The following PLXDC1 variants were observed in gnomAD, a reference collection of about 807,000 sequenced individuals.
PLXDC1 encodes plexin domain containing 1, also known as plexin domain-containing protein 1.
PLXDC1 carries 39 observed loss-of-function variants against 61.3 expected under a neutral mutation model. The observed-to-expected ratio is 0.64, with a 90% CI of 0.49 to 0.83. The LOEUF is 0.83. Ranked by LOEUF, PLXDC1 falls within the 40% of genes least tolerant of loss-of-function variation. The pLI is 0.00. For synonymous variants in PLXDC1, 212 were observed against 254.5 expected (o/e 0.83, Z 1.59); for missense variants, 596 against 666.5 (o/e 0.89, Z 1.17).
intron 2 of PLXDC1, among the ~76,000 whole-genome samples, chr17:39,136,240 C>T (rs1945139037): frequency 6.6e-6 from 1 of 152,168 alleles, no homozygotes; most frequent in South Asian, 2.1e-4. Context: ...CCTGAAGTTC[C>T]ACCTCAAACT....
chr17:39,068,071 A>T (rs988003553), intron 13 of PLXDC1, 112 bp from the exon 14 acceptor site: 2 of 968,404 alleles, frequency 2.1e-6, no homozygotes, highest in African/African-American at 3.2e-5. Context: ...GCCCTGGGGC[A>T]CTTGGGCCTA....
At chr17:39,078,252 G>GT (rs1351489978) in intron 10 of PLXDC1, among the ~76,000 whole-genome samples, 3 of 152,156 alleles carry the variant, frequency 2.0e-5, no homozygotes, top group Non-Finnish European at 4.4e-5. Context: ...GCTGGACAGG[G>GT]TTTTTTTAAA....
At chr17:39,119,602 CA>C (rs1416886358) in intron 2 of PLXDC1, among the ~76,000 whole-genome samples, 1 of 151,928 alleles carries the variant, frequency 6.6e-6, no homozygotes, top group African/African-American at 2.4e-5. Flanking sequence ...CAAAACTGGC[CA>C]GGGGTGATGG....
At chr17:39,136,017 T>C (rs971353665) in intron 2 of PLXDC1, among the ~76,000 whole-genome samples, 1 of 152,238 alleles carries the variant, frequency 6.6e-6, no homozygotes, top group Non-Finnish European at 1.5e-5. Context: ...ATAATCCTTC[T>C]GACCTGTGTG....
At chr17:39,128,096 T>C (rs12450795) in intron 2 of PLXDC1, among the ~76,000 whole-genome samples, 9,304 of 89,784 alleles carry the variant, frequency 0.1, 1,247 homozygotes, top group Non-Finnish European at 0.14. Flanking sequence ...TCTCTCTATG[T>C]GTATATATAT....
chr17:39,147,772 TACTC>T (rs2045351649), intron 1 of PLXDC1, among the ~76,000 whole-genome samples: 1 of 152,196 alleles, frequency 6.6e-6, no homozygotes, highest in Non-Finnish European at 1.5e-5. Flanking sequence ...ACCTCTGATA[TACTC>T]ACTCAGTCAC....
intron 2 of PLXDC1, among the ~76,000 whole-genome samples, chr17:39,114,166 C>T (rs1324658332): frequency 6.6e-6 from 1 of 152,100 alleles, no homozygotes; most frequent in Admixed American, 6.6e-5. Flanking sequence ...TGATGACATG[C>T]TAGAGGGCTG....
intron 4 of PLXDC1, 139 bp from the exon 5 acceptor site, chr17:39,108,384 G>A: frequency 1.2e-6 from 1 of 866,458 alleles, no homozygotes; most frequent in Admixed American, 2.1e-5. Flanking sequence ...ATCCCCATCT[G>A]GCGGGCTCTG....
intron 2 of PLXDC1, among the ~76,000 whole-genome samples, chr17:39,129,688 A>AAAAGAAAGAAAGAAGGAAAG (rs1597656684): frequency 1.5e-5 from 1 of 65,024 alleles, no homozygotes; most frequent in African/African-American, 8.0e-5. Flanking sequence ...AGGGAGAAAG[A>AAAAGAAAGAAAGAAGGAAAG]AAAGAAAGAA....
At chr17:39,097,809 G>A (rs1400177126) in intron 7 of PLXDC1, among the ~76,000 whole-genome samples, 7 of 151,564 alleles carry the variant, frequency 4.6e-5, no homozygotes, top group Admixed American at 3.9e-4. Context: ...GGCTGAGGCA[G>A]GAGGATCGCT....
chr17:39,068,018 C>G (rs1419128964), intron 13 of PLXDC1, 59 bp from the exon 14 acceptor site: 3 of 1,571,994 alleles, frequency 1.9e-6, no homozygotes, highest in Non-Finnish European at 1.7e-6. Flanking sequence ...GGGGACCCCA[C>G]ACTCCTGAGC....
At chr17:39,094,750 C>T (rs1288433472) in intron 7 of PLXDC1, among the ~76,000 whole-genome samples, 2 of 152,138 alleles carry the variant, frequency 1.3e-5, no homozygotes, top group African/African-American at 2.4e-5. Flanking sequence ...CAACTTATAA[C>T]GTCAGCCCAC....
At position 39,151,446 on chromosome 17, in the gene PLXDC1, C is replaced by G. The variant is rs2045372154; in HGVS notation, c.-9G>C. The G allele has an allele frequency of 7.9e-7, 1 of 1,263,716 alleles. No homozygotes were observed. The highest frequency in any genetic ancestry group is 3.1e-5 in the East Asian group (1 of 31,920). 78.3% of individuals were successfully genotyped at this position (1,263,716 alleles called of 1,614,324 possible). A position where few individuals can be genotyped will look rare whatever the true frequency, so the allele number is the denominator to read the frequency against. On this transcript the variant is annotated 5_prime_UTR_variant, in exon 1 of 14. Coordinates refer to ENST00000315392, the MANE Select transcript of PLXDC1 (RefSeq NM_020405.5). This position sits in a 1 kb window ranked among gnomAD's most constrained non-coding sequence, Gnocchi z 5.2. Reference sequence around the variant, plus strand: ...CAGAGCTCGCCTCGCATGGTGGGTGCCCGGACCTGCCCCCGGCCTGCTTGC... The same window carrying G: ...CAGAGCTCGCCTCGCATGGTGGGTGGCCGGACCTGCCCCCGGCCTGCTTGC...
Position 39,067,732 on chromosome 17 carries a change from A to G in PLXDC1, c.*108T>C, listed in dbSNP as rs760690605. ...CTCTGGAGCCATAAACCACCATCTC[A>G]TCTCAGCCCAGGGCATGCTGGGAGA... On this transcript the variant is annotated 3_prime_UTR_variant, in exon 14 of 14. Transcript: ENST00000315392. 12 of 1,095,598 alleles carry G rather than the reference A, an allele frequency of 1.1e-5. No homozygotes were observed. The highest frequency in any genetic ancestry group is 1.5e-5 in the Non-Finnish European group (11 of 754,194). The allele number at this position is 1,095,598 out of a possible 1,614,324, so 67.9% of individuals were successfully genotyped here.
intron 4 of PLXDC1, 94 bp downstream of exon 4, chr17:39,108,810 A>C (rs1910688788): frequency 3.7e-6 from 3 of 800,692 alleles, no homozygotes; most frequent in Non-Finnish European, 4.3e-6. Flanking sequence ...CCCATTTCAT[A>C]TAACCCTGTC....
chr17:39,079,010 C>T lies in PLXDC1; in HGVS notation c.1050+94G>A, dbSNP rs1343430993. The stretch of plus-strand genomic sequence containing the variant: ...GGATATTGCCAAGAGCTAATGCCAC[C>T]TTGAGAAGAGTTTCCAGGGGCAGGC... On this transcript the variant is annotated intron_variant, in intron 10 of 13. Coordinates refer to ENST00000315392, the MANE Select transcript of PLXDC1 (RefSeq NM_020405.5). 14 of 1,008,986 alleles carry T rather than the reference C, an allele frequency of 1.4e-5. No individual in the cohort carries two copies. In the East Asian group the frequency reaches 3.4e-4, roughly 24 times the overall value. 62.5% of individuals were successfully genotyped at this position (1,008,986 alleles called of 1,614,324 possible). A position where few individuals can be genotyped will look rare whatever the true frequency, so the allele number is the denominator to read the frequency against.
upstream of PLXDC1, chr17:39,152,750 G>A: frequency 9.2e-7 from 1 of 1,087,588 alleles, no homozygotes; most frequent in Non-Finnish European, 1.2e-6. Flanking sequence ...TGGAAGAGAC[G>A]GATTCCGTGG....
chr17:39,146,583 A>C (rs1281207216), intron 1 of PLXDC1, among the ~76,000 whole-genome samples: 1 of 151,978 alleles, frequency 6.6e-6, no homozygotes, highest in Non-Finnish European at 1.5e-5. Context: ...AGGCCAAGAC[A>C]GGAGGATTAC....
At position 39,063,892 on chromosome 17, in the gene PLXDC1, G is replaced by A. The variant is rs1277416844; in HGVS notation, c.*3948C>T. 1.7e-5 allele frequency: 3 copies of A among 178,450 alleles called. No homozygotes were observed. Among genetic ancestry groups the A allele is most frequent in the Non-Finnish European group, 3.6e-5 (3 of 84,088 alleles). 11.1% of individuals were successfully genotyped at this position (178,450 alleles called of 1,614,324 possible). ...CTGTGAGTCTGTTCCAGGAACTAGA[G>A]GAGAGAGAGCCTTAGCCTTGCCTGC... On this transcript the variant is annotated 3_prime_UTR_variant, in exon 14 of 14. Coordinates refer to ENST00000315392, the MANE Select transcript of PLXDC1 (RefSeq NM_020405.5).
Sources: allele counts gnomAD v4.1 joint callset (sites outside exome capture counted in the v4.1 genomes callset), GRCh38; gene constraint gnomAD v4.1.1; non-coding constraint Gnocchi (gnomAD v3.1); transcripts MANE v1.5; gene names NCBI Gene and HGNC (gene_info 2026-07-23, HGNC 2026-07-21).